The following SF3B3 variants were observed in gnomAD, a reference collection of about 807,000 sequenced individuals.
SF3B3 encodes SAP 130.
In SF3B3, 33 loss-of-function variants were observed where a neutral mutation model predicts 139.2. The ratio of observed to expected loss-of-function variants is 0.24; its 90% CI spans 0.18 to 0.32. The LOEUF is 0.32. SF3B3 is among the 10% of genes least tolerant of loss of function. The pLI is 1.00. For synonymous variants in SF3B3, 596 were observed against 563.6 expected, an observed-to-expected ratio of 1.06 and a Z score of -0.81; for missense variants, 818 against 1,509.4, an observed-to-expected ratio of 0.54 and a Z score of 7.59.
Position 70,526,648 on chromosome 16 carries a change from C to A in SF3B3, c.-9C>A. On this transcript the variant is annotated 5_prime_UTR_variant, in exon 2 of 26. Transcript: ENST00000302516. ...CTGGAGGTCTGGGTGGCTCAGGTTT[C>A]CTGCAGCCATGTTTCTGTACAACTT... is the stretch of plus-strand genomic sequence containing the variant. The A allele has an allele frequency of 6.2e-7, 1 of 1,611,918 alleles. No individual in the cohort carries two copies. Among genetic ancestry groups the A allele is most frequent in the Non-Finnish European group, 8.5e-7 (1 of 1,178,218 alleles).
chr16:70,565,475 A>C lies in SF3B3; in HGVS notation c.2777A>C (p.Tyr926Ser). ...CGATCTGTGGCAGGGGGCTTCGTCT[A>C]TACTTACAAGCTTGTGAACAATGGG... Reference protein sequence around the residue: ...NPRSVAGGFVYTYKLVNNGEK... With the variant: ...NPRSVAGGFVSTYKLVNNGEK... Residue 926 changes from tyrosine to serine, a missense_variant, in exon 20 of 26, where the codon TAT becomes TCT. Tyr to Ser is a moderately radical substitution (Grantham distance 144). This residue lies in a region of SF3B3 where 145 missense variants were observed against 153.6 expected (regional missense o/e 0.94). Transcript: ENST00000302516. The C allele has an allele frequency of 6.2e-7, 1 of 1,614,194 alleles. No homozygotes were observed. The highest frequency in any genetic ancestry group is 8.5e-7 in the Non-Finnish European group (1 of 1,180,028).
intron 3 of SF3B3, among the ~76,000 whole-genome samples, chr16:70,529,750 A>G (rs1042687473): frequency 1.8e-4 from 27 of 152,180 alleles, no homozygotes; most frequent in African/African-American, 6.5e-4. Context: ...GGGGGCCACA[A>G]TGATGCCATT....
intron 10 of SF3B3, among the ~76,000 whole-genome samples, chr16:70,547,687 G>A (rs1314091494): frequency 2.0e-5 from 3 of 152,156 alleles, no homozygotes; most frequent in Non-Finnish European, 4.4e-5. Context: ...TCCGCCTCCC[G>A]GGTTCAAGCG....
At chr16:70,562,490 GTCA>G (rs2050438501) in intron 17 of SF3B3, among the ~76,000 whole-genome samples, 1 of 151,828 alleles carries the variant, frequency 6.6e-6, no homozygotes, top group East Asian at 1.9e-4. Context: ...TTTTCTTTCC[GTCA>G]TCTTTGTATT....
intron 2 of SF3B3, among the ~76,000 whole-genome samples, chr16:70,527,732 T>C (rs1336028882): frequency 6.6e-6 from 1 of 151,942 alleles, no homozygotes; most frequent in Non-Finnish European, 1.5e-5. Context: ...AGCACGTTTT[T>C]GTTTTTTGTT....
chr16:70,572,004 AT>A lies in SF3B3; in HGVS notation c.*194del, dbSNP rs2050533776. ...GGCTTCCCCTCAAATTGGCACTGAG[AT>A]TTGCTACACTTCTCCCCACCTGGTA... On this transcript the variant is annotated 3_prime_UTR_variant, in exon 26 of 26. Coordinates refer to ENST00000302516, the MANE Select transcript of SF3B3 (RefSeq NM_012426.5). The A allele has an allele frequency of 1.4e-6, 1 of 723,274 alleles. No individual in the cohort carries two copies. The highest frequency in any genetic ancestry group is 2.4e-6 in the Non-Finnish European group (1 of 423,700). The allele number at this position is 723,274 out of a possible 1,614,324, so 44.8% of individuals were successfully genotyped here.
chr16:70,568,829 T>C (rs1257519913), intron 22 of SF3B3, among the ~76,000 whole-genome samples: 2 of 152,252 alleles, frequency 1.3e-5, no homozygotes, highest in African/African-American at 2.4e-5. Context: ...CTTAGCTGTG[T>C]TAAACTCTTG....
chr16:70,531,355 G>T (rs1253195918), intron 4 of SF3B3, among the ~76,000 whole-genome samples: 2 of 152,094 alleles, frequency 1.3e-5, no homozygotes, highest in African/African-American at 4.8e-5. Flanking sequence ...CCAGGCTGGG[G>T]TGCAGTGGCA....
intron 6 of SF3B3, among the ~76,000 whole-genome samples, chr16:70,535,628 A>G (rs2050159020): frequency 6.6e-6 from 1 of 152,236 alleles, no homozygotes; most frequent in Admixed American, 6.5e-5. Flanking sequence ...GGGAATTAAA[A>G]CTAATCTAAT....
chr16:70,539,550 A>AG (rs914110156), intron 8 of SF3B3, among the ~76,000 whole-genome samples: 1 of 150,972 alleles, frequency 6.6e-6, no homozygotes, highest in Non-Finnish European at 1.5e-5. Flanking sequence ...CTCTCTCTCA[A>AG]AAAAAAAATA....
chr16:70,554,952 C>T, intron 12 of SF3B3, 99 bp from the exon 13 acceptor site: 1 of 1,171,290 alleles, frequency 8.5e-7, no homozygotes, highest in Non-Finnish European at 1.2e-6. Context: ...TGCAGTGGCC[C>T]CAGGTCTGAT....
Position 70,526,692 on chromosome 16 carries a change from T to G in SF3B3, c.36T>G (p.Thr12=), listed in dbSNP as rs1272311534. Residue 12 remains threonine, a synonymous_variant, in exon 2 of 26, where the codon ACT becomes ACG. Coordinates refer to ENST00000302516, the MANE Select transcript of SF3B3 (RefSeq NM_012426.5). ...FLYNLTLQRA[T]GISFAIHGNF... ...ACAACTTAACCTTGCAGAGAGCCAC[T>G]GGCATCAGCTTTGCCATTCATGGAA... The G allele has an allele frequency of 6.2e-7, 1 of 1,614,160 alleles. No individual in the cohort carries two copies. The highest frequency in any genetic ancestry group is 8.5e-7 in the Non-Finnish European group (1 of 1,179,976).
chr16:70,548,599 A>G, intron 11 of SF3B3, 157 bp downstream of exon 11: 1 of 614,112 alleles, frequency 1.6e-6, no homozygotes, highest in South Asian at 2.1e-5. Flanking sequence ...TCTTCCGTTC[A>G]GGATGCCTTC....
At position 70,572,251 on chromosome 16, in the gene SF3B3, C is replaced by T. The variant is rs2050536587; in HGVS notation, c.*438C>T. 2.7e-6 allele frequency: 1 copy of T among 376,750 alleles called. No homozygotes were observed. Among genetic ancestry groups the T allele is most frequent in the African/African-American group, 2.1e-5 (1 of 46,940 alleles). 23.3% of individuals were successfully genotyped at this position (376,750 alleles called of 1,614,324 possible). On this transcript the variant is annotated 3_prime_UTR_variant, in exon 26 of 26. Coordinates refer to ENST00000302516, the MANE Select transcript of SF3B3 (RefSeq NM_012426.5). Reference sequence around the variant, plus strand: ...AGGGTATAGTATCACTCCTGAGTTCCACTGCTCTAGAATCTAACCAGAAAT... The same window carrying T: ...AGGGTATAGTATCACTCCTGAGTTCTACTGCTCTAGAATCTAACCAGAAAT...
intron 11 of SF3B3, chr16:70,550,430 T>C (rs888737331): frequency 1.3e-5 from 2 of 152,554 alleles, no homozygotes; most frequent in Non-Finnish European, 2.9e-5. Context: ...GAAAGGACTA[T>C]ATCCTGCTAA....
chr16:70,551,946 C>T (rs2050331516), intron 11 of SF3B3, among the ~76,000 whole-genome samples: 1 of 152,174 alleles, frequency 6.6e-6, no homozygotes, highest in Admixed American at 6.5e-5. Flanking sequence ...ATTCACAGGG[C>T]AGTGTTTATT....
intron 22 of SF3B3, among the ~76,000 whole-genome samples, chr16:70,568,791 A>T (rs2050501207): frequency 6.6e-6 from 1 of 152,154 alleles, no homozygotes. Context: ...AATGTCTGTT[A>T]TCTATGTTGT....
chr16:70,565,227 A>G lies in SF3B3; in HGVS notation c.2626A>G (p.Thr876Ala). Residue 876 changes from threonine to alanine, a missense_variant, in exon 19 of 26, where the codon ACA (threonine) becomes GCA (alanine). This residue lies in a region of SF3B3 where 145 missense variants were observed against 153.6 expected (regional missense o/e 0.94). Coordinates refer to ENST00000302516, the MANE Select transcript of SF3B3 (RefSeq NM_012426.5). The part of the protein sequence containing the change: ...IRVMNPIQGN[T>A]LDLVQLEQNE... ...AGTGATGAATCCCATTCAAGGGAACACACTGGACCTTGTCCAGCTGGAACA... is the reference window on the plus strand; with the variant it reads ...AGTGATGAATCCCATTCAAGGGAACGCACTGGACCTTGTCCAGCTGGAACA... 6.2e-7 allele frequency: 1 copy of G among 1,614,222 alleles called. No homozygotes were observed. The highest frequency in any genetic ancestry group is 8.5e-7 in the Non-Finnish European group (1 of 1,180,032).
In SF3B3 at chr16:70,575,196, C is replaced by CTTTTTTTTTTTT. The variant is rs897314035; in HGVS notation, c.*3392_*3403dup. The CTTTTTTTTTTTT allele has an allele frequency of 2.1e-4, 23 of 110,000 alleles. No homozygotes were observed. The highest frequency in any genetic ancestry group is 5.7e-4 in the East Asian group (2 of 3,484). The allele number at this position is 110,000 out of a possible 1,614,324, so 6.8% of individuals were successfully genotyped here. A position where few individuals can be genotyped will look rare whatever the true frequency, so the allele number is the denominator to read the frequency against. ...TTTTCTTTTTCTTTTTCTTTTTTTT[C>CTTTTTTTTTTTT]TTTTTTTTTTTTTTTTTTTTGAGAT... On this transcript the variant is annotated 3_prime_UTR_variant, in exon 26 of 26. Coordinates refer to ENST00000302516, the MANE Select transcript of SF3B3 (RefSeq NM_012426.5).
Sources: gnomAD v4.1 joint callset for allele counts (sites outside exome capture counted in the v4.1 genomes callset) on GRCh38, gnomAD v4.1.1 for gene constraint, gnomAD v4.1.1 regional missense constraint, MANE v1.5 for transcripts, NCBI Gene and HGNC (gene_info 2026-07-23, HGNC 2026-07-21) for gene names.